ST7: variants seen among roughly 807,000 people sequenced by gnomAD.
ST7 encodes the protein suppressor of tumorigenicity 7 protein.
ST7 carries 28 observed loss-of-function variants against 78.7 expected under a neutral mutation model. The ratio of observed to expected loss-of-function variants is 0.36; its 90% CI spans 0.26 to 0.49. The LOEUF (loss-of-function observed/expected upper bound fraction) is 0.49. ST7 is among the 20% of genes least tolerant of loss of function. ST7 has a pLI of 0.99. For synonymous variants in ST7, 247 were observed against 249.6 expected, an observed-to-expected ratio of 0.99 and a Z score of 0.10; for missense variants, 418 against 696.0, an observed-to-expected ratio of 0.60 and a Z score of 4.49.
Position 117,098,706 on chromosome 7 carries a change from G to A in ST7, c.152-1056G>A, listed in dbSNP as rs537758045. The A allele has an allele frequency of 5.4e-5, 62 of 1,147,566 alleles. 1 individual carries two copies. The South Asian group carries it at 8.4e-4, about 16-fold the overall frequency. 71.1% of individuals were successfully genotyped at this position (1,147,566 alleles called of 1,614,324 possible). A position where few individuals can be genotyped will look rare whatever the true frequency, so the allele number is the denominator to read the frequency against. ...GGCTGAGCTCAGGACAGATGCCAAA[G>A]CCTTTCCCTCTAATGACATCAAAGC... is the stretch of plus-strand genomic sequence containing the variant. On this transcript the variant is annotated intron_variant, in intron 1 of 15. Coordinates refer to ENST00000323984, the MANE Select transcript of ST7 (RefSeq NM_001369598.1).
chr7:117,136,698 T>A (rs1216204079), intron 8 of ST7: 1 of 167,374 alleles, frequency 6.0e-6, no homozygotes, highest in East Asian at 1.7e-4. Context: ...AGCATTTATC[T>A]CTTACATAAG....
chr7:117,224,966 A>G (rs959660499), intron 15 of ST7, among the ~76,000 whole-genome samples: 2 of 152,188 alleles, frequency 1.3e-5, no homozygotes, highest in Non-Finnish European at 2.9e-5. Flanking sequence ...GCCTGTCCCC[A>G]CAACCGGAAC....
intron 2 of ST7, chr7:117,112,670 G>C (rs1802530172): frequency 1.3e-5 from 2 of 152,158 alleles, no homozygotes; most frequent in Non-Finnish European, 2.9e-5. Context: ...TGGTGATTCT[G>C]GAACGAAGAG....
intron 1 of ST7, among the ~76,000 whole-genome samples, chr7:117,007,839 T>C (rs1795217271): frequency 6.6e-6 from 1 of 152,232 alleles, no homozygotes. Context: ...CCTCTGGCAA[T>C]CACCATTCTA....
chr7:117,031,833 T>G (rs1350673838), intron 1 of ST7, among the ~76,000 whole-genome samples: 1 of 96,766 alleles, frequency 1.0e-5, no homozygotes, highest in Non-Finnish European at 1.9e-5. Context: ...TATATCTATA[T>G]CTATATCTAT....
intron 9 of ST7, among the ~76,000 whole-genome samples, chr7:117,151,715 A>G (rs1806260550): frequency 6.6e-6 from 1 of 152,166 alleles, no homozygotes; most frequent in African/African-American, 2.4e-5. Flanking sequence ...CACTCAATTA[A>G]TTTTTGTGGA....
intron 2 of ST7, among the ~76,000 whole-genome samples, chr7:117,106,357 A>G (rs117546942): frequency 0.023 from 3,457 of 152,152 alleles, 46 homozygotes; most frequent in Non-Finnish European, 0.036. Flanking sequence ...CCTAGAACCT[A>G]AGTCTTCATG....
chr7:116,966,405 C>T (rs1247415405), intron 1 of ST7, among the ~76,000 whole-genome samples: 2 of 151,858 alleles, frequency 1.3e-5, no homozygotes, highest in Non-Finnish European at 2.9e-5. Context: ...CACCTGCCAC[C>T]ACACCTGGCT....
chr7:117,001,892 T>C (rs1434170000), intron 1 of ST7, among the ~76,000 whole-genome samples: 1 of 152,176 alleles, frequency 6.6e-6, no homozygotes, highest in Non-Finnish European at 1.5e-5. Context: ...GGAAAGTACA[T>C]GGACAAGACA....
At chr7:117,164,467 T>TA (rs1807390841) in intron 9 of ST7, among the ~76,000 whole-genome samples, 1 of 151,394 alleles carries the variant, frequency 6.6e-6, no homozygotes, top group South Asian at 2.1e-4. Flanking sequence ...GGTAGGGTGG[T>TA]AGAGAGAGTT....
intron 1 of ST7, among the ~76,000 whole-genome samples, chr7:116,965,237 G>A (rs560100632): frequency 2.2e-4 from 33 of 152,024 alleles, no homozygotes; most frequent in South Asian, 8.3e-4. Flanking sequence ...CTACTCCAGA[G>A]GCTGAGGCCG....
At chr7:116,992,473 C>G (rs898723234) in intron 1 of ST7, among the ~76,000 whole-genome samples, 4 of 152,208 alleles carry the variant, frequency 2.6e-5, no homozygotes, top group Admixed American at 6.5e-5. Flanking sequence ...TATACTGGCC[C>G]CTTTCAGTCA....
chr7:117,058,831 G>A (rs982662922), intron 1 of ST7, among the ~76,000 whole-genome samples: 4 of 152,106 alleles, frequency 2.6e-5, no homozygotes, highest in Non-Finnish European at 4.4e-5. Context: ...AGAAAATGTG[G>A]TACATATACA....
intron 1 of ST7, among the ~76,000 whole-genome samples, chr7:117,001,266 T>G (rs1794920845): frequency 6.6e-6 from 1 of 152,160 alleles, no homozygotes; most frequent in African/African-American, 2.4e-5. Context: ...TTAAACTACT[T>G]GTAGTATTAT....
chr7:116,959,349 A>C (rs923210240), intron 1 of ST7: 9 of 453,014 alleles, frequency 2.0e-5, no homozygotes, highest in African/African-American at 1.2e-4. Context: ...TATATGAATT[A>C]TGGTATATGT....
chr7:117,010,342 G>C (rs534828725), intron 1 of ST7, among the ~76,000 whole-genome samples: 1 of 152,216 alleles, frequency 6.6e-6, no homozygotes, highest in Non-Finnish European at 1.5e-5. Context: ...AATGGGAGGA[G>C]CTGGGCATAC....
intron 1 of ST7, among the ~76,000 whole-genome samples, chr7:116,995,983 T>C (rs1443914911): frequency 6.6e-6 from 1 of 152,164 alleles, no homozygotes; most frequent in African/African-American, 2.4e-5. Context: ...CTAGTGACTT[T>C]ATAGGATTAG....
At chr7:117,010,985 T>C (rs1795361929) in intron 1 of ST7, among the ~76,000 whole-genome samples, 1 of 152,176 alleles carries the variant, frequency 6.6e-6, no homozygotes, top group Non-Finnish European at 1.5e-5. Context: ...ACACTCTGTG[T>C]CCAGCTGTCT....
chr7:117,166,450 ATTTTT>A (rs58969985), intron 9 of ST7, among the ~76,000 whole-genome samples: 1 of 145,086 alleles, frequency 6.9e-6, no homozygotes, highest in Admixed American at 6.9e-5. Context: ...AGTTGCTTGC[ATTTTT>A]TTTTTTTTTA....
Sources: gnomAD v4.1 joint callset for allele counts (sites outside exome capture counted in the v4.1 genomes callset) on GRCh38, gnomAD v4.1.1 for gene constraint, MANE v1.5 for transcripts, NCBI Gene and HGNC (gene_info 2026-07-23, HGNC 2026-07-21) for gene names.